Variants in RPS24 observed in about 807,000 individuals in gnomAD.
The protein encoded by RPS24 is small ribosomal subunit protein eS24.
For missense variants in RPS24, 100 were observed against 162.5 expected (o/e 0.62, Z 2.09); for synonymous variants, 72 against 55.6 (o/e 1.30, Z -1.31).
intron 4 of RPS24, among the ~76,000 whole-genome samples, chr10:78,050,979 T>A (rs944392057): frequency 7.9e-5 from 12 of 151,950 alleles, no homozygotes; most frequent in Admixed American, 5.2e-4. Flanking sequence ...TCACCTGAGG[T>A]CAGGCGTTCG....
chr10:78,039,895 C>A lies in RPS24; in HGVS notation c.391-309C>A, dbSNP rs917844044. On this transcript the variant is annotated intron_variant, in intron 4 of 5. Coordinates refer to ENST00000372360, the MANE Select transcript of RPS24 (RefSeq NM_033022.4). The stretch of plus-strand genomic sequence containing the variant: ...GGGGCAGAGGCTCAGGTATGTACTT[C>A]ATTGACAAGTGGGCAAGGCCATCCT... The A allele has an allele frequency of 6.6e-5, 30 of 454,772 alleles. No homozygotes were observed. The East Asian group carries it at 7.3e-4, about 11-fold the overall frequency. The allele number at this position is 454,772 out of a possible 1,614,324, so 28.2% of individuals were successfully genotyped here.
downstream of RPS24, among the ~76,000 whole-genome samples, chr10:78,042,280 G>A (rs549000285): frequency 3.0e-4 from 46 of 152,260 alleles, no homozygotes; most frequent in African/African-American, 1.0e-3. Flanking sequence ...CTGCCCTCTG[G>A]TCTTCTGTCC....
At chr10:78,051,874 T>C (rs1324868064) in intron 4 of RPS24, among the ~76,000 whole-genome samples, 1 of 152,230 alleles carries the variant, frequency 6.6e-6, no homozygotes. Context: ...GAAAAATGCC[T>C]GTTTGAATCC....
downstream of RPS24, among the ~76,000 whole-genome samples, chr10:78,044,625 A>G (rs967917910): frequency 1.3e-5 from 2 of 151,320 alleles, no homozygotes; most frequent in Non-Finnish European, 2.9e-5. Context: ...CCATCCACTC[A>G]CCCTTGAACT....
intron 3 of RPS24, 150 bp from the exon 4 acceptor site, chr10:78,037,043 TC>T (rs1847884816): frequency 9.1e-6 from 8 of 880,084 alleles, no homozygotes; most frequent in Non-Finnish European, 1.4e-5. Context: ...TCCTTTCTGT[TC>T]CAGCAAAAAC....
chr10:78,053,080 G>C (rs1848115449), intron 4 of RPS24, among the ~76,000 whole-genome samples: 1 of 151,818 alleles, frequency 6.6e-6, no homozygotes, highest in Admixed American at 6.6e-5. Flanking sequence ...TTGAACCTGG[G>C]AGGTGGAGGT....
At chr10:78,043,379 A>G (rs1564631241), downstream of RPS24, among the ~76,000 whole-genome samples, 4 of 152,134 alleles carry the variant, frequency 2.6e-5, no homozygotes. Context: ...TAAGCATCTT[A>G]CCAGTGTCTC....
At position 78,037,308 on chromosome 10, in the gene RPS24, T is replaced by A; in HGVS notation, c.390+4T>A. 6.3e-7 allele frequency: 1 copy of A among 1,592,328 alleles called. No individual in the cohort carries two copies. Among genetic ancestry groups the A allele is most frequent in the Non-Finnish European group, 8.6e-7 (1 of 1,168,734 alleles). On this transcript the variant is annotated splice_donor_region_variant and intron_variant, in intron 4 of 5. Transcript: ENST00000372360. ...CAATGTTGGTGCTGGCAAAAAGGTA[T>A]AGTTCATTAAGGAAAATATAGAAAC...
At chr10:78,040,699 G>T, downstream of RPS24, 1 of 1,611,042 alleles carries the variant, frequency 6.2e-7, no homozygotes. Context: ...AAAACTTCAT[G>T]TGTCTGGTTG....
chr10:78,040,607 A>G lies in RPS24; in HGVS notation c.*20-8A>G. Reference sequence around the variant, plus strand: ...TTGTTGACTAAACTTCTTTCTCTTGATTCACAGCCGAAGGAGTAAAGGTGC... The same window carrying G: ...TTGTTGACTAAACTTCTTTCTCTTGGTTCACAGCCGAAGGAGTAAAGGTGC... On this transcript the variant is annotated splice_polypyrimidine_tract_variant and splice_region_variant and intron_variant, in intron 5 of 5. Transcript: ENST00000372360. 1 of 1,611,824 alleles carries G rather than the reference A, an allele frequency of 6.2e-7. No homozygotes were observed. Among genetic ancestry groups the G allele is most frequent in the East Asian group, 2.2e-5 (1 of 44,868 alleles).
At chr10:78,037,471 AG>A in intron 4 of RPS24, 167 bp downstream of exon 4, 5 of 1,191,434 alleles carry the variant, frequency 4.2e-6, no homozygotes, top group Non-Finnish European at 5.7e-6. Flanking sequence ...TATGTAGCAT[AG>A]TGTCTTAACA....
At chr10:78,047,385 A>G (rs7074305) in intron 4 of RPS24, among the ~76,000 whole-genome samples, 7,846 of 152,188 alleles carry the variant, frequency 0.052, 632 homozygotes, top group African/African-American at 0.17. Context: ...ACCCGGTAGG[A>G]CAGTGCTGTA....
chr10:78,051,062 C>T, intron 4 of RPS24, among the ~76,000 whole-genome samples: 1 of 152,162 alleles, frequency 6.6e-6, no homozygotes, highest in African/African-American at 2.4e-5. Context: ...TGGTGGTGAG[C>T]ACCTGTAATC....
intron 4 of RPS24, among the ~76,000 whole-genome samples, chr10:78,053,007 C>A (rs1267335521): frequency 6.6e-6 from 1 of 151,908 alleles, no homozygotes; most frequent in African/African-American, 2.4e-5. Context: ...AGAAGATTAG[C>A]CAGATGTGGT....
downstream of RPS24, among the ~76,000 whole-genome samples, chr10:78,042,516 C>CA (rs1278825327): frequency 6.6e-6 from 1 of 152,212 alleles, no homozygotes; most frequent in African/African-American, 2.4e-5. Context: ...TGTGGGAACT[C>CA]AAACTGTGGA....
At chr10:78,033,982 T>C (rs1380449473) in intron 1 of RPS24, 78 bp downstream of exon 1, 2 of 1,565,744 alleles carry the variant, frequency 1.3e-6, no homozygotes, top group East Asian at 2.2e-5. Flanking sequence ...GTACTTGAGC[T>C]ATAGGCACGC....
At chr10:78,034,515 G>C (rs1479705579) in intron 1 of RPS24, 1 of 153,778 alleles carries the variant, frequency 6.5e-6, no homozygotes, top group African/African-American at 2.4e-5. Flanking sequence ...CCTTTGATCC[G>C]TTACTTTCAA....
intron 4 of RPS24, among the ~76,000 whole-genome samples, chr10:78,047,008 T>C (rs1357458428): frequency 6.6e-6 from 1 of 151,956 alleles, no homozygotes; most frequent in East Asian, 1.9e-4. Context: ...TTGCCCAGGC[T>C]GGAGTGCAGT....
chr10:78,035,505 T>C lies in RPS24; in HGVS notation c.70-6T>C, dbSNP rs1360119304. 6.8e-6 allele frequency: 11 copies of C among 1,613,742 alleles called. No individual in the cohort carries two copies. The highest frequency in any genetic ancestry group is 9.3e-6 in the Non-Finnish European group (11 of 1,179,746). ...ACTGAATGCTAAACTTGATATCTCC[T>C]TTTAGGTCATTGATGTCCTTCACCC... On this transcript the variant is annotated splice_polypyrimidine_tract_variant and splice_region_variant and intron_variant, in intron 2 of 5. Transcript: ENST00000372360.
Sources: allele counts gnomAD v4.1 joint callset (sites outside exome capture counted in the v4.1 genomes callset), GRCh38; gene constraint gnomAD v4.1.1; transcripts MANE v1.5; gene names NCBI Gene and HGNC (gene_info 2026-07-23, HGNC 2026-07-21).